Variants in CP observed in about 807,000 individuals in gnomAD.
The protein encoded by CP is ceruloplasmin, also known as caeruloplasmin.
In CP, 64 loss-of-function variants were observed where a neutral mutation model predicts 122.4. The ratio of observed to expected loss-of-function variants is 0.52; its 90% confidence interval spans 0.43 to 0.64. The LOEUF (loss-of-function observed/expected upper bound fraction) is 0.64. Among genes scored for constraint, CP ranks in the 30% least tolerant of loss-of-function variants. The probability of loss-of-function intolerance (pLI) is 0.00; values close to 1 mark genes in which losing one functional copy is unlikely to be tolerated. For synonymous variants in CP, 440 were observed against 436.4 expected (o/e 1.01, Z -0.10); for missense variants, 1,167 against 1,284.4 (o/e 0.91, Z 1.40).
At chr3:149,165,039 C>T (rs1400215762) in intron 5 of CP, among the ~76,000 whole-genome samples, 1 of 152,122 alleles carries the variant, frequency 6.6e-6, no homozygotes, top group African/African-American at 2.4e-5. Flanking sequence ...GTGGTGTTCC[C>T]AGAGATGGCA....
At chr3:149,185,475 C>T (rs1043891675) in intron 11 of CP, 29 bp from the exon 12 acceptor site, 7 of 1,609,034 alleles carry the variant, frequency 4.4e-6, no homozygotes, top group African/African-American at 2.7e-5. Context: ...AAACATGTCA[C>T]TTCTTTGCTA....
At position 149,172,711 on chromosome 3, in the gene CP, TA is replaced by T. The variant is rs1057297040; in HGVS notation, c.*1002del. On this transcript the variant is annotated 3_prime_UTR_variant, in exon 19 of 19. Coordinates refer to ENST00000264613, the MANE Select transcript of CP (RefSeq NM_000096.4). Reference sequence around the variant, plus strand: ...GAAAGATGTTAATGTTTTGCCATGGTAAAAGATTTCAAACCTCATTTTTTTT... The same window carrying T: ...GAAAGATGTTAATGTTTTGCCATGGTAAAGATTTCAAACCTCATTTTTTTT... The T allele has an allele frequency of 8.5e-5, 13 of 153,222 alleles. No individual in the cohort carries two copies. The highest frequency in any genetic ancestry group is 3.1e-4 in the African/African-American group (13 of 41,462). The allele number at this position is 153,222 out of a possible 1,614,324, so 9.5% of individuals were successfully genotyped here. A position where few individuals can be genotyped will look rare whatever the true frequency, so the allele number is the denominator to read the frequency against.
At position 149,182,077 on chromosome 3, in the gene CP, C is replaced by T. The variant is rs1161226577; in HGVS notation, c.2482G>A (p.Ala828Thr). 1.1e-5 allele frequency: 17 copies of T among 1,600,470 alleles called. No individual in the cohort carries two copies. Among genetic ancestry groups the T allele is most frequent in the Non-Finnish European group, 1.4e-5 (16 of 1,173,772 alleles). The change falls in exon 14 of 19, where the codon GCC becomes ACC. Residue 828 changes from alanine to threonine, a missense_variant. Physicochemically the swap from Ala to Thr is moderately conservative, Grantham distance 58 (BLOSUM62 0). This residue lies in a region of CP where 525 missense variants were observed against 657.2 expected (regional missense o/e 0.80). Coordinates refer to ENST00000264613, the MANE Select transcript of CP (RefSeq NM_000096.4). ...DKVKIIFKNM[A>T]TRPYSIHAHG... The stretch of plus-strand genomic sequence containing the variant: ...GCATGTATTGAGTAGGGCCTTGTGG[C>T]CATGTTTTTAAAGATAATTTTGACT...
chr3:149,212,137 CAA>C (rs1202152308), intron 2 of CP, among the ~76,000 whole-genome samples: 1 of 144,886 alleles, frequency 6.9e-6, no homozygotes, highest in East Asian at 2.0e-4. Flanking sequence ...ACTAAAAATG[CAA>C]AAAAAAAATA....
chr3:149,190,423 C>T (rs1022435108), intron 9 of CP, among the ~76,000 whole-genome samples: 9 of 151,958 alleles, frequency 5.9e-5, no homozygotes, highest in Non-Finnish European at 8.8e-5. Flanking sequence ...TTTGGGAGAC[C>T]GAGGCAGGCA....
chr3:149,203,008 G>T (rs552551658), intron 6 of CP, among the ~76,000 whole-genome samples: 7 of 147,504 alleles, frequency 4.7e-5, no homozygotes, highest in Admixed American at 2.7e-4. Flanking sequence ...TCAGGTTCAA[G>T]CAATTCTCCT....
rs909357490 is a variant in CP, at chr3:149,164,365, C to T, written c.*14-1490G>A. Among the ~76,000 whole-genome samples, 6 of 152,152 alleles carry T rather than the reference C, an allele frequency of 3.9e-5. No homozygotes were observed. The East Asian group carries it at 1.2e-3, about 29-fold the overall frequency. On this transcript the variant is annotated intron_variant, in intron 5 of 5. Coordinates refer to the CP transcript ENST00000479771. ...GCACTGCTATTTCTCTTATAGGAAACAGGTCAAAGTAGTTAGTTTATCCAG... is the reference window on the plus strand; with the variant it reads ...GCACTGCTATTTCTCTTATAGGAAATAGGTCAAAGTAGTTAGTTTATCCAG...
intron 14 of CP, 26 bp downstream of exon 14, chr3:149,181,979 A>ACCACC: frequency 1.9e-6 from 1 of 515,790 alleles, no homozygotes; most frequent in Non-Finnish European, 3.7e-6. Context: ...AAAATGCACC[A>ACCACC]CCCCCACCCC....
chr3:149,181,836 C>G (rs1444275515), intron 14 of CP, among the ~76,000 whole-genome samples, 169 bp downstream of exon 14: 2 of 151,870 alleles, frequency 1.3e-5, no homozygotes, highest in African/African-American at 4.8e-5. Flanking sequence ...TTTTTTAGTA[C>G]AAGCATGTGC....
In CP at chr3:149,210,307, G is replaced by A; in HGVS notation, c.467C>T (p.Thr156Ile). ...DDKVYPGEQY[T>I]YMLLATEEQS... ...TTCTTCAGTGGCAAGCAACATGTATGTATACTGCTCTCCTGGATATACTTT... is the reference window on the plus strand; with the variant it reads ...TTCTTCAGTGGCAAGCAACATGTATATATACTGCTCTCCTGGATATACTTT... Residue 156 changes from threonine (T) to isoleucine (I), a missense_variant, in exon 3 of 19, where the codon ACA (threonine) becomes ATA (isoleucine). Thr to Ile is a moderately conservative substitution (Grantham distance 89). This residue lies in a region of CP where 642 missense variants were observed against 627.3 expected (regional missense o/e 1.02). Transcript: ENST00000264613. The A allele has an allele frequency of 6.2e-7, 1 of 1,614,090 alleles. No homozygotes were observed. The highest frequency in any genetic ancestry group is 8.5e-7 in the Non-Finnish European group (1 of 1,179,966).
At chr3:149,203,128 G>C (rs1375245627) in intron 6 of CP, among the ~76,000 whole-genome samples, 2 of 152,034 alleles carry the variant, frequency 1.3e-5, no homozygotes, top group South Asian at 2.1e-4. Flanking sequence ...GGATGGTCTC[G>C]ATCTCCTGAC....
At chr3:149,172,357 T>C (rs375383865), downstream of CP, 2,618 of 468,382 alleles carry the variant, frequency 5.6e-3, 18 homozygotes, top group African/African-American at 0.037. Context: ...CACACACACA[T>C]ATATGATACA....
intron 10 of CP, 76 bp downstream of exon 10, chr3:149,187,976 C>T (rs747783948): frequency 3.4e-6 from 5 of 1,486,830 alleles, no homozygotes; most frequent in South Asian, 2.3e-5. Flanking sequence ...AAGCTCTTCA[C>T]ATTTTGTTTA....
chr3:149,205,535 T>A (rs887361748), intron 6 of CP, among the ~76,000 whole-genome samples: 2 of 152,016 alleles, frequency 1.3e-5, no homozygotes, highest in African/African-American at 4.8e-5. Context: ...ATATGGTATA[T>A]ACATACAATG....
chr3:149,190,367 A>G (rs144693619), intron 9 of CP, among the ~76,000 whole-genome samples: 1 of 152,220 alleles, frequency 6.6e-6, no homozygotes, highest in Non-Finnish European at 1.5e-5. Context: ...GTGATTAAAA[A>G]CATAAACAGG....
At chr3:149,201,895 G>A (rs571744814) in intron 7 of CP, among the ~76,000 whole-genome samples, 3 of 152,210 alleles carry the variant, frequency 2.0e-5, no homozygotes, top group South Asian at 2.1e-4. Flanking sequence ...ACTCCCGGCC[G>A]TCAGCAGGGC....
At chr3:149,167,239 G>A (rs777890661) in intron 4 of CP, 27 of 1,609,630 alleles carry the variant, frequency 1.7e-5, no homozygotes, top group East Asian at 6.7e-5. Flanking sequence ...GAAGAGAACC[G>A]GGTATGCTTT....
intron 17 of CP, among the ~76,000 whole-genome samples, chr3:149,177,120 T>G (rs566482203): frequency 6.8e-4 from 103 of 152,260 alleles, no homozygotes; most frequent in African/African-American, 2.2e-3. Flanking sequence ...AAGATTGAGA[T>G]GTACAGACCA....
rs35062355 is a variant in CP at position 149,185,068 on chromosome 3, G to A, written c.2285+171C>T. On this transcript the variant is annotated intron_variant, in intron 12 of 18. Coordinates refer to ENST00000264613, the MANE Select transcript of CP (RefSeq NM_000096.4). ...TTCCCTTAAGGAAATTGAGAGAAGC[G>A]GAAATGAATAAGGACAAGTTCCTAG... The A allele has an allele frequency of 0.017, 10,920 of 655,296 alleles. 854 individuals carry two copies. In the African/African-American group the frequency reaches 0.18, roughly 11 times the overall value. The allele number at this position is 655,296 out of a possible 1,614,324, so 40.6% of individuals were successfully genotyped here.
Sources: gnomAD v4.1 joint callset for allele counts (sites outside exome capture counted in the v4.1 genomes callset) on GRCh38, gnomAD v4.1.1 for gene constraint, gnomAD v4.1.1 regional missense constraint, MANE v1.5 for transcripts, NCBI Gene and HGNC (gene_info 2026-07-23, HGNC 2026-07-21) for gene names.